DNAH8: variants seen among roughly 807,000 people sequenced by gnomAD.
DNAH8 encodes the protein axonemal beta dynein heavy chain 8.
In DNAH8, 382 loss-of-function variants were observed where a neutral mutation model predicts 562.1. The ratio of observed to expected loss-of-function variants is 0.68; its 90% confidence interval spans 0.63 to 0.74. DNAH8 has a LOEUF of 0.74. DNAH8 is among the 30% of genes least tolerant of loss of function. The probability of loss-of-function intolerance (pLI) is 0.00; values close to 1 mark genes in which losing one functional copy is unlikely to be tolerated. For missense variants in DNAH8, 5,203 were observed against 5,620.4 expected, an observed-to-expected ratio of 0.93 and a Z score of 2.37; for synonymous variants, 1,881 against 1,919.4, an observed-to-expected ratio of 0.98 and a Z score of 0.52.
chr6:38,817,873 G>T (rs775083009), intron 26 of DNAH8, among the ~76,000 whole-genome samples: 1 of 152,110 alleles, frequency 6.6e-6, no homozygotes, highest in Non-Finnish European at 1.5e-5. Flanking sequence ...GATCTTGAAA[G>T]ACACAATCCA....
At chr6:38,779,025 T>A (rs964143680) in intron 14 of DNAH8, among the ~76,000 whole-genome samples, 3 of 152,234 alleles carry the variant, frequency 2.0e-5, no homozygotes, top group African/African-American at 7.2e-5. Flanking sequence ...TATGAACAGC[T>A]GAAATCTTCT....
intron 33 of DNAH8, among the ~76,000 whole-genome samples, chr6:38,838,309 CTG>C (rs1443664705): frequency 6.6e-6 from 1 of 152,134 alleles, no homozygotes; most frequent in Non-Finnish European, 1.5e-5. Flanking sequence ...TTTCTTTTGA[CTG>C]TTTTTGCATA....
chr6:38,719,420 T>C (rs1273492289), intron 1 of DNAH8, among the ~76,000 whole-genome samples: 1 of 152,134 alleles, frequency 6.6e-6, no homozygotes. Flanking sequence ...GTGTCTCTTG[T>C]TTCCATCTTT....
chr6:38,800,723 G>T (rs1205151477), intron 21 of DNAH8, among the ~76,000 whole-genome samples: 5 of 152,078 alleles, frequency 3.3e-5, no homozygotes, highest in Admixed American at 3.3e-4. Flanking sequence ...CGCCATGTTG[G>T]CCAGGCTGGG....
chr6:38,890,305 G>A (rs1779253842), intron 57 of DNAH8, among the ~76,000 whole-genome samples: 1 of 152,154 alleles, frequency 6.6e-6, no homozygotes, highest in South Asian at 2.1e-4. Flanking sequence ...CTAGGGCCAG[G>A]TTGCTTGGGT....
chr6:38,804,297 T>C (rs1771055528), intron 22 of DNAH8, among the ~76,000 whole-genome samples: 1 of 152,256 alleles, frequency 6.6e-6, no homozygotes, highest in African/African-American at 2.4e-5. Flanking sequence ...TTAGCTTTGC[T>C]CAGATTATTG....
intron 62 of DNAH8, 88 bp downstream of exon 62, chr6:38,899,994 C>T (rs62398570): frequency 0.03 from 35,358 of 1,186,452 alleles, 871 homozygotes; most frequent in East Asian, 0.13. Context: ...CAACAGTTTC[C>T]TGTATTTCTT....
At chr6:38,878,350 A>T (rs1778186873) in intron 53 of DNAH8, among the ~76,000 whole-genome samples, 1 of 152,200 alleles carries the variant, frequency 6.6e-6, no homozygotes, top group African/African-American at 2.4e-5. Context: ...ACTTTACAGC[A>T]CTTTATGTCT....
chr6:38,778,719 G>T (rs1467735834), intron 14 of DNAH8, among the ~76,000 whole-genome samples: 1 of 152,006 alleles, frequency 6.6e-6, no homozygotes, highest in Non-Finnish European at 1.5e-5. Context: ...TCCCCTCCCT[G>T]CCCCCAGCCA....
At position 38,743,198 on chromosome 6, in the gene DNAH8, T is replaced by A. The variant is rs143735260; in HGVS notation, c.1293+1311T>A. 1.3e-3 allele frequency among the ~76,000 whole-genome samples: 204 copies of A among 151,958 alleles called. 2 individuals are homozygous for A. The highest frequency in any genetic ancestry group is 4.4e-3 in the African/African-American group (182 of 41,424). On this transcript the variant is annotated intron_variant, in intron 8 of 92. Coordinates refer to ENST00000327475, the MANE Select transcript of DNAH8 (RefSeq NM_001206927.2). ...ATGCCCGACTAATTAAATAATTTTTTAAAAATGTTGTCCAGGCTAGTCTTA... is the reference window on the plus strand; with the variant it reads ...ATGCCCGACTAATTAAATAATTTTTAAAAAATGTTGTCCAGGCTAGTCTTA...
intron 62 of DNAH8, among the ~76,000 whole-genome samples, chr6:38,906,008 C>T (rs1023678898): frequency 4.6e-5 from 7 of 151,858 alleles, no homozygotes; most frequent in South Asian, 2.1e-4. Context: ...CGGGTTCAAG[C>T]GATTCTCCTG....
chr6:38,815,120 A>G (rs1315740199), intron 25 of DNAH8, among the ~76,000 whole-genome samples: 2 of 152,196 alleles, frequency 1.3e-5, no homozygotes, highest in Admixed American at 1.3e-4. Context: ...TCTCTAACAC[A>G]TAGTCTGTAA....
chr6:38,890,816 A>G lies in DNAH8; in HGVS notation c.8583+55A>G, dbSNP rs16891199. On this transcript the variant is annotated intron_variant, in intron 58 of 92. Coordinates refer to ENST00000327475, the MANE Select transcript of DNAH8 (RefSeq NM_001206927.2). Reference sequence around the variant, plus strand: ...AAAGGCAACTATTATTCAGCCCTAGATCACACCTCGTGGCTCATTAAGTTA... The same window carrying G: ...AAAGGCAACTATTATTCAGCCCTAGGTCACACCTCGTGGCTCATTAAGTTA... 8.2e-6 allele frequency: 10 copies of G among 1,219,922 alleles called. No homozygotes were observed. In the East Asian group the frequency reaches 2.1e-4, roughly 26 times the overall value. The allele number at this position is 1,219,922 out of a possible 1,614,324, so 75.6% of individuals were successfully genotyped here.
At chr6:38,945,333 C>A (rs1407855532) in intron 79 of DNAH8, 134 bp from the exon 80 acceptor site, 2 of 941,652 alleles carry the variant, frequency 2.1e-6, no homozygotes, top group Admixed American at 4.8e-5. Flanking sequence ...CTCACATTTT[C>A]TGTAATATTA....
rs572891728 is a variant in DNAH8 at position 38,822,901 on chromosome 6, A to G, written c.3587A>G (p.His1196Arg). 26 of 1,612,218 alleles carry G rather than the reference A, an allele frequency of 1.6e-5. No individual in the cohort carries two copies. The African/African-American group carries it at 3.2e-4, about 20-fold the overall frequency. The stretch of plus-strand genomic sequence containing the variant: ...AATTTTTACCCGGGGGTAGCGGAGC[A>G]CAAGGATATTTCTAAGTTGGTCCTG... ...LKNFYPGVAE[H>R]KDISKLVLLL... is the part of the protein sequence containing the mutation. Residue 1196 changes from histidine (H) to arginine (R), a missense_variant, in exon 27 of 93, where the codon CAC becomes CGC. Around this residue, in one of 6 missense-constraint regions of DNAH8, gnomAD observed 2,176 missense variants for 2,365.1 expected, o/e 0.92. Coordinates refer to ENST00000327475, the MANE Select transcript of DNAH8 (RefSeq NM_001206927.2).
rs371907270 is a variant in DNAH8, at chr6:38,965,915, A to G, written c.12452-5677A>G. Among the ~76,000 whole-genome samples the G allele has an allele frequency of 2.0e-4, 31 of 152,380 alleles. No homozygotes were observed. The South Asian group carries it at 6.2e-3, about 31-fold the overall frequency. On this transcript the variant is annotated intron_variant, in intron 82 of 92. Coordinates refer to ENST00000327475, the MANE Select transcript of DNAH8 (RefSeq NM_001206927.2). ...TTATCACCTTATATTAAATGAAGAA[A>G]GATTACAAATTAATAACAACCTTCC...
At chr6:38,980,194 G>A (rs541560938) in intron 85 of DNAH8, among the ~76,000 whole-genome samples, 139 of 151,496 alleles carry the variant, frequency 9.2e-4, no homozygotes, top group African/African-American at 3.2e-3. Context: ...GTGTTTATTA[G>A]GCAACCATGA....
At chr6:38,834,028 G>C (rs573327349) in intron 31 of DNAH8, among the ~76,000 whole-genome samples, 2 of 152,160 alleles carry the variant, frequency 1.3e-5, no homozygotes, top group East Asian at 3.9e-4. Flanking sequence ...CTGTGTTCTG[G>C]TTCATAGCCA....
At chr6:38,953,590 T>G (rs1482462111) in intron 82 of DNAH8, among the ~76,000 whole-genome samples, 1 of 152,198 alleles carries the variant, frequency 6.6e-6, no homozygotes, top group Non-Finnish European at 1.5e-5. Flanking sequence ...GATTTGGCTT[T>G]AACACTGAAG....
Sources: allele counts gnomAD v4.1 joint callset (sites outside exome capture counted in the v4.1 genomes callset), GRCh38; gene constraint gnomAD v4.1.1; regional missense constraint gnomAD v4.1.1; transcripts MANE v1.5; gene names NCBI Gene and HGNC (gene_info 2026-07-23, HGNC 2026-07-21).